RMDN2: variants seen among roughly 807,000 people sequenced by gnomAD.
RMDN2 encodes regulator of microtubule dynamics 2.
Under a neutral mutation model 52.8 loss-of-function variants are expected in RMDN2, and 61 were observed. The observed-to-expected ratio is 1.16, with a 90% CI of 0.94 to 1.43. RMDN2 has a LOEUF of 1.43. Among genes scored for constraint, RMDN2 ranks in the 40% most tolerant of loss-of-function variants. RMDN2 has a pLI of 0.00. For missense variants in RMDN2, 592 were observed against 475.3 expected, an observed-to-expected ratio of 1.25 and a Z score of -2.28; for synonymous variants, 180 against 153.1, an observed-to-expected ratio of 1.18 and a Z score of -1.30.
exon 11 of RMDN2, chr2:38,066,995 G>C (rs1423354089): frequency 6.2e-7 from 1 of 1,613,710 alleles, no homozygotes; most frequent in Non-Finnish European, 8.5e-7. Context: ...CTGTAGTCTG[G>C]AAGATAAAGA....
chr2:37,987,126 A>T (rs1037093712), intron 5 of RMDN2, among the ~76,000 whole-genome samples: 1 of 152,186 alleles, frequency 6.6e-6, no homozygotes, highest in African/African-American at 2.4e-5. Context: ...AGGTTGCTAG[A>T]TACAAGGTTA....
intron 5 of RMDN2, 56 bp downstream of exon 5, chr2:37,981,399 T>G (rs1673294701): frequency 8.6e-7 from 1 of 1,169,500 alleles, no homozygotes; most frequent in Non-Finnish European, 1.3e-6. Flanking sequence ...CTTTATAAAT[T>G]AAATGGATTT....
upstream of RMDN2, among the ~76,000 whole-genome samples, chr2:37,923,580 G>C (rs114542231): frequency 3.4e-3 from 523 of 152,272 alleles, 1 homozygote; most frequent in African/African-American, 0.012. Flanking sequence ...TGTTTTGCAT[G>C]ATCGGTTTAT....
chr2:38,058,274 A>G (rs1487566348), intron 10 of RMDN2, among the ~76,000 whole-genome samples: 7 of 152,200 alleles, frequency 4.6e-5, no homozygotes, highest in Non-Finnish European at 8.8e-5. Context: ...CAGGGTGGAA[A>G]AATCTCAGGT....
At chr2:38,001,032 C>T (rs1303388256) in intron 8 of RMDN2, among the ~76,000 whole-genome samples, 1 of 152,164 alleles carries the variant, frequency 6.6e-6, no homozygotes, top group African/African-American at 2.4e-5. Flanking sequence ...ACAGGCTACC[C>T]TGATTGCACT....
chr2:37,981,058 C>G (rs954379479), intron 4 of RMDN2, among the ~76,000 whole-genome samples: 2 of 152,198 alleles, frequency 1.3e-5, no homozygotes, highest in African/African-American at 4.8e-5. Flanking sequence ...TAGCATACAT[C>G]AGAATCATTG....
In RMDN2 at chr2:38,000,684, T is replaced by G. The variant is rs868577297; in HGVS notation, c.1044+3170T>G. Among the ~76,000 whole-genome samples the G allele has an allele frequency of 2.0e-5, 3 of 152,348 alleles. No homozygotes were observed. The South Asian group carries it at 6.2e-4, about 32-fold the overall frequency. On this transcript the variant is annotated intron_variant, in intron 8 of 10. Coordinates refer to ENST00000354545, the MANE Select transcript of RMDN2 (RefSeq NM_001170791.3). The stretch of plus-strand genomic sequence containing the variant: ...TTATTGAGTGTATCAGCAGCTCCTT[T>G]TCATTGCTAAGTAATATTCCATTAT...
intron 2 of RMDN2, among the ~76,000 whole-genome samples, chr2:37,939,111 G>A (rs1396171529): frequency 6.6e-6 from 1 of 152,134 alleles, no homozygotes; most frequent in Non-Finnish European, 1.5e-5. Flanking sequence ...GTTCTCGTCG[G>A]TTTCAAATAA....
chr2:38,017,451 A>G lies in RMDN2; in HGVS notation c.*212A>G, dbSNP rs1046239725. ...TCTATATACTATAATGTCAATACAT[A>G]ATCTATAAACATGTATGCTTTATAT... is the stretch of plus-strand genomic sequence containing the variant. On this transcript the variant is annotated 3_prime_UTR_variant, in exon 11 of 11. Coordinates refer to ENST00000354545, the MANE Select transcript of RMDN2 (RefSeq NM_001170791.3). The G allele has an allele frequency of 8.4e-7, 1 of 1,186,702 alleles. No individual in the cohort carries two copies. The highest frequency in any genetic ancestry group is 1.1e-6 in the Non-Finnish European group (1 of 897,650). The allele number at this position is 1,186,702 out of a possible 1,614,324, so 73.5% of individuals were successfully genotyped here. A position where few individuals can be genotyped will look rare whatever the true frequency, so the allele number is the denominator to read the frequency against.
chr2:38,015,563 CAAAAAA>C (rs397984334), intron 10 of RMDN2, among the ~76,000 whole-genome samples: 1 of 98,600 alleles, frequency 1.0e-5, no homozygotes, highest in South Asian at 3.2e-4. Flanking sequence ...GACTCCGTCT[CAAAAAA>C]AAAAAAAAAG....
intron 10 of RMDN2, among the ~76,000 whole-genome samples, chr2:38,045,234 G>A (rs904796948): frequency 4.6e-5 from 7 of 152,078 alleles, no homozygotes; most frequent in African/African-American, 1.7e-4. Context: ...CTCTGTATAT[G>A]CTTTTCTTTT....
intron 10 of RMDN2, chr2:38,035,934 A>T (rs1199067650): frequency 1.3e-5 from 2 of 152,160 alleles, no homozygotes; most frequent in African/African-American, 4.8e-5. Flanking sequence ...CAGAGGTAAT[A>T]GGTGCACACA....
At chr2:37,997,824 C>G in intron 8 of RMDN2, 1 of 286,468 alleles carries the variant, frequency 3.5e-6, no homozygotes. Context: ...CTCTGAGTCA[C>G]TTGAGCATGT....
At chr2:37,973,213 G>C (rs1222723044) in intron 2 of RMDN2, among the ~76,000 whole-genome samples, 1 of 152,186 alleles carries the variant, frequency 6.6e-6, no homozygotes, top group African/African-American at 2.4e-5. Context: ...AGAACAGGCA[G>C]AGTCTGAATT....
At chr2:38,031,890 C>T (rs1680234536) in intron 10 of RMDN2, among the ~76,000 whole-genome samples, 1 of 152,104 alleles carries the variant, frequency 6.6e-6, no homozygotes, top group African/African-American at 2.4e-5. Context: ...AAGTTTCTTG[C>T]CCAAAGAAGG....
intron 10 of RMDN2, among the ~76,000 whole-genome samples, chr2:38,047,607 A>G (rs1432741479): frequency 6.6e-6 from 1 of 152,202 alleles, no homozygotes; most frequent in African/African-American, 2.4e-5. Context: ...ATTTCTTTAA[A>G]CAATTTTTTG....
chr2:37,922,910 A>C (rs993908325), upstream of RMDN2, among the ~76,000 whole-genome samples: 2 of 152,222 alleles, frequency 1.3e-5, no homozygotes, highest in Admixed American at 1.3e-4. Flanking sequence ...CTAGTGCTGA[A>C]GTGTAGAATG....
At position 37,993,285 on chromosome 2, in the gene RMDN2, T is replaced by G. The variant is rs1675065204; in HGVS notation, c.945+1988T>G. ...AGTAAGCTCTACTGCCTATAAATTA[T>G]AAGTATAGATAATGAATATGAATTG... On this transcript the variant is annotated intron_variant, in intron 7 of 10. Coordinates refer to ENST00000354545, the MANE Select transcript of RMDN2 (RefSeq NM_001170791.3). Among the ~76,000 whole-genome samples, 4 of 152,106 alleles carry G rather than the reference T, an allele frequency of 2.6e-5. No individual in the cohort carries two copies. In the South Asian group the frequency reaches 8.3e-4, roughly 31 times the overall value.
At chr2:38,065,171 A>C (rs1373051118) in intron 10 of RMDN2, among the ~76,000 whole-genome samples, 2 of 152,194 alleles carry the variant, frequency 1.3e-5, no homozygotes, top group African/African-American at 4.8e-5. Context: ...GCTATAAGCT[A>C]TGGAATTACA....
Sources: allele counts gnomAD v4.1 joint callset (sites outside exome capture counted in the v4.1 genomes callset), GRCh38; gene constraint gnomAD v4.1.1; transcripts MANE v1.5; gene names NCBI Gene and HGNC (gene_info 2026-07-23, HGNC 2026-07-21).